TTC17: variants seen among roughly 807,000 people sequenced by gnomAD.
TTC17 encodes tetratricopeptide repeat protein 17.
In TTC17, 58 loss-of-function variants were observed where a neutral mutation model predicts 143.8. The ratio of observed to expected loss-of-function variants is 0.40; its 90% confidence interval spans 0.33 to 0.50. The LOEUF is 0.50. TTC17 is among the 20% of genes least tolerant of loss of function. TTC17 has a pLI of 0.49. For missense variants in TTC17, 1,273 were observed against 1,392.5 expected (o/e 0.91, Z 1.37); for synonymous variants, 501 against 497.8 (o/e 1.01, Z -0.09).
intron 21 of TTC17, chr11:43,466,692 G>C: frequency 5.4e-6 from 2 of 368,560 alleles, no homozygotes; most frequent in East Asian, 7.4e-5. Context: ...GGCAAATGCT[G>C]CACCCAAAAC....
chr11:43,408,760 G>A (rs1302691395), intron 15 of TTC17, among the ~76,000 whole-genome samples: 1 of 150,078 alleles, frequency 6.7e-6, no homozygotes, highest in African/African-American at 2.4e-5. Context: ...TTTTTTCTTT[G>A]AGACAGGTTC....
chr11:43,362,315 G>A (rs908565654), intron 1 of TTC17, among the ~76,000 whole-genome samples: 3 of 152,074 alleles, frequency 2.0e-5, no homozygotes, highest in Non-Finnish European at 2.9e-5. Flanking sequence ...CGCTGTGCCC[G>A]GCCATTATAA....
intron 5 of TTC17, among the ~76,000 whole-genome samples, chr11:43,395,686 A>G (rs1590350227): frequency 6.6e-6 from 1 of 152,338 alleles, no homozygotes; most frequent in Non-Finnish European, 1.5e-5. Flanking sequence ...TTAAGGATGA[A>G]TAATGCAGGA....
intron 1 of TTC17, among the ~76,000 whole-genome samples, chr11:43,372,617 A>G (rs1856612240): frequency 1.3e-5 from 2 of 151,822 alleles, no homozygotes; most frequent in Admixed American, 6.6e-5. Context: ...CAGCCTCCCA[A>G]GTAGCTGGGA....
intron 21 of TTC17, among the ~76,000 whole-genome samples, chr11:43,455,789 C>G (rs546684444): frequency 1.1e-4 from 16 of 151,818 alleles, no homozygotes; most frequent in South Asian, 6.2e-4. Context: ...TTTTACAAAC[C>G]GTTAAAGACC....
rs1261125876 is a variant in TTC17 at position 43,398,051 on chromosome 11, A to G, written c.996A>G (p.Ile332Met). The G allele has an allele frequency of 1.2e-6, 2 of 1,614,010 alleles. No homozygotes were observed. The highest frequency in any genetic ancestry group is 1.7e-6 in the Non-Finnish European group (2 of 1,180,006). The change falls in exon 8 of 24, where the codon ATA becomes ATG. Residue 332 changes from isoleucine (I) to methionine (M), a missense_variant. Around this residue, in one of 3 missense-constraint regions of TTC17, gnomAD observed 325 missense variants for 444.2 expected, o/e 0.73. Transcript: ENST00000039989. The stretch of plus-strand genomic sequence containing the variant: ...CCAGACCTGGGTTTGAGCAAGCTAT[A>G]AAGAGGAAGCATGCTGTCCTATGTC... ...LQARPGFEQA[I>M]KRKHAVLCQQ...
In TTC17 at chr11:43,396,755, G is replaced by T; in HGVS notation, c.710G>T (p.Arg237Ile). Residue 237 changes from arginine (R) to isoleucine (I), a missense_variant, in exon 6 of 24, where the codon AGA (arginine) becomes ATA (isoleucine). Arg to Ile is a moderately conservative substitution (Grantham distance 97). Coordinates refer to ENST00000039989, the MANE Select transcript of TTC17 (RefSeq NM_018259.6). ...TATAACATGGCTTCATTTTACTGGA[G>T]AATTAAGAATGAGCCATATCAGGTA... ...VLYNMASFYW[R>I]IKNEPYQVVE... 1 of 1,609,814 alleles carries T rather than the reference G, an allele frequency of 6.2e-7. No individual in the cohort carries two copies. The highest frequency in any genetic ancestry group is 8.5e-7 in the Non-Finnish European group (1 of 1,176,846).
At chr11:43,417,543 TG>T (rs1946805134) in intron 16 of TTC17, among the ~76,000 whole-genome samples, 2 of 152,148 alleles carry the variant, frequency 1.3e-5, no homozygotes, top group African/African-American at 4.8e-5. Context: ...ACAGAATTCA[TG>T]ATAATTGTTG....
chr11:43,477,882 G>A, intron 21 of TTC17, among the ~76,000 whole-genome samples: 1 of 152,104 alleles, frequency 6.6e-6, no homozygotes, highest in Non-Finnish European at 1.5e-5. Context: ...TTAATAAACT[G>A]AAAGTGATAA....
chr11:43,360,553 T>G (rs1335587717), intron 1 of TTC17, among the ~76,000 whole-genome samples: 1 of 152,170 alleles, frequency 6.6e-6, no homozygotes, highest in African/African-American at 2.4e-5. Context: ...TGCAATATTG[T>G]TTTTGGCCAC....
chr11:43,438,881 A>T (rs553501922), intron 16 of TTC17, among the ~76,000 whole-genome samples: 61 of 152,346 alleles, frequency 4.0e-4, no homozygotes, highest in African/African-American at 1.4e-3. Context: ...CTCTGCAGCC[A>T]TTAACTGGCT....
chr11:43,380,691 A>G (rs1856934046), intron 2 of TTC17, among the ~76,000 whole-genome samples: 1 of 152,256 alleles, frequency 6.6e-6, no homozygotes, highest in South Asian at 2.1e-4. Context: ...GTACTTTTAA[A>G]AAAATCTGTG....
chr11:43,411,089 C>T (rs1437639568), intron 15 of TTC17, among the ~76,000 whole-genome samples: 1 of 152,150 alleles, frequency 6.6e-6, no homozygotes, highest in Non-Finnish European at 1.5e-5. Flanking sequence ...TATTTGTTGG[C>T]TCAAAATCCC....
chr11:43,373,397 C>A (rs1013685059), intron 1 of TTC17, among the ~76,000 whole-genome samples: 1 of 150,694 alleles, frequency 6.6e-6, no homozygotes, highest in Non-Finnish European at 1.5e-5. Flanking sequence ...AATCTCTGCT[C>A]ACTGCAAGCT....
chr11:43,391,515 A>G lies in TTC17; in HGVS notation c.470A>G (p.Gln157Arg). ...TCTCCTGTCCCTCCAGACCCAGAGC[A>G]ACCTGATTGTACTAAAATTCTAGAA... The part of the protein sequence containing the change: ...TESPVPPDPE[Q>R]PDCTKILELP... The change falls in exon 4 of 24, where the codon CAA (glutamine) becomes CGA (arginine). Residue 157 changes from glutamine to arginine, a missense_variant. Gln to Arg is a conservative substitution (Grantham distance 43, BLOSUM62 1). Around this residue, in one of 3 missense-constraint regions of TTC17, gnomAD observed 325 missense variants for 444.2 expected, o/e 0.73. Coordinates refer to ENST00000039989, the MANE Select transcript of TTC17 (RefSeq NM_018259.6). 6.2e-7 allele frequency: 1 copy of G among 1,608,442 alleles called. No homozygotes were observed. Among genetic ancestry groups the G allele is most frequent in the Non-Finnish European group, 8.5e-7 (1 of 1,178,520 alleles).
At chr11:43,423,043 A>G (rs1425176588) in intron 16 of TTC17, among the ~76,000 whole-genome samples, 1 of 152,202 alleles carries the variant, frequency 6.6e-6, no homozygotes, top group Non-Finnish European at 1.5e-5. Context: ...CTAAGGCACA[A>G]ATGTAAGAGT....
chr11:43,377,118 T>C (rs1590322097), intron 1 of TTC17, among the ~76,000 whole-genome samples: 1 of 151,772 alleles, frequency 6.6e-6, no homozygotes, highest in Non-Finnish European at 1.5e-5. Context: ...ATGGTGAAAC[T>C]CCATCTCTAC....
chr11:43,390,537 A>G (rs186178976), intron 3 of TTC17, among the ~76,000 whole-genome samples: 1 of 152,084 alleles, frequency 6.6e-6, no homozygotes, highest in African/African-American at 2.4e-5. Context: ...AATGGCGTGA[A>G]CCCAGGAGGC....
chr11:43,444,021 GTC>G (rs753118781), intron 17 of TTC17, 33 bp from the exon 18 acceptor site: 1 of 1,563,618 alleles, frequency 6.4e-7, no homozygotes, highest in Non-Finnish European at 8.6e-7. Flanking sequence ...TTGATCACTG[GTC>G]TCATTTGTCC....
Sources: gnomAD v4.1 joint callset for allele counts (sites outside exome capture counted in the v4.1 genomes callset) on GRCh38, gnomAD v4.1.1 for gene constraint, gnomAD v4.1.1 regional missense constraint, MANE v1.5 for transcripts, NCBI Gene and HGNC (gene_info 2026-07-23, HGNC 2026-07-21) for gene names.